The following WDR44 variants were observed in gnomAD, a reference collection of about 807,000 sequenced individuals.
The protein encoded by WDR44 is WD repeat domain 44, also known as WD repeat-containing protein 44.
A neutral mutation model predicts 65.7 loss-of-function variants in WDR44; 9 were observed. That is an observed-to-expected ratio of 0.14 (90% CI 0.08 to 0.24). WDR44 has a LOEUF of 0.24. WDR44 is among the 10% of genes least tolerant of loss of function. The pLI is 1.00. For synonymous variants in WDR44, 220 were observed against 235.2 expected (o/e 0.94, Z 0.59); for missense variants, 425 against 670.9 (o/e 0.63, Z 4.05).
intron 8 of WDR44, among the ~76,000 whole-genome samples, chrX:118,398,713 G>A (rs1049794430): frequency 1.2e-4 from 13 of 111,943 alleles, no homozygotes; most frequent in Non-Finnish European, 2.4e-4. Flanking sequence ...GATCTCCTGA[G>A]ATCAGGGGTT....
chrX:118,399,045 G>A (rs1054871079), intron 8 of WDR44, among the ~76,000 whole-genome samples: 4 of 112,177 alleles, frequency 3.6e-5, no homozygotes, highest in Non-Finnish European at 1.9e-5. Context: ...CCTTGAAGTT[G>A]TCTTTTCCCT....
chrX:118,408,170 A>G (rs900572247), intron 10 of WDR44, among the ~76,000 whole-genome samples: 2 of 111,538 alleles, frequency 1.8e-5, no homozygotes, highest in African/African-American at 6.5e-5. Flanking sequence ...GGGCTGTGGC[A>G]TAATCTTTTT....
Position 118,431,352 on chromosome X carries a change from G to A in WDR44, c.1738-1429G>A, listed in dbSNP as rs768013099. On this transcript the variant is annotated intron_variant, in intron 12 of 19. Transcript: ENST00000254029. Reference sequence around the variant, plus strand: ...GAGTTTCGCTCTTGTGGCCCATGCTGGAGTGCAATGCTGTGATCTCAGCTC... The same window carrying A: ...GAGTTTCGCTCTTGTGGCCCATGCTAGAGTGCAATGCTGTGATCTCAGCTC... Among the ~76,000 whole-genome samples, 140 of 111,223 alleles carry A rather than the reference G, an allele frequency of 1.3e-3. 1 individual carries two copies. Among genetic ancestry groups the A allele is most frequent in the Non-Finnish European group, 1.2e-3 (64 of 53,056 alleles).
At chrX:118,382,758 C>T (rs5956961) in intron 2 of WDR44, among the ~76,000 whole-genome samples, 18,452 of 111,326 alleles carry the variant, frequency 0.17, 2,774 homozygotes, top group African/African-American at 0.47. Flanking sequence ...GTAACTGTTA[C>T]ATGAATTGCT....
At chrX:118,421,556 A>G (rs1432525368) in intron 12 of WDR44, among the ~76,000 whole-genome samples, 1 of 111,793 alleles carries the variant, frequency 8.9e-6, no homozygotes, top group Non-Finnish European at 1.9e-5. Context: ...TATGTTCCTG[A>G]TGTGTGTATT....
chrX:118,384,829 T>G (rs747882759), intron 2 of WDR44, among the ~76,000 whole-genome samples: 10 of 111,971 alleles, frequency 8.9e-5, no homozygotes, highest in African/African-American at 3.2e-4. Flanking sequence ...GTTTTTCCAT[T>G]TGTTTGTGTC....
chrX:118,442,189 G>A (rs1166028913), intron 15 of WDR44, 55 bp from the exon 16 acceptor site: 3 of 1,042,640 alleles, frequency 2.9e-6, no homozygotes, highest in East Asian at 3.1e-5. Flanking sequence ...TTACAGATAC[G>A]AGCCACCACA....
At chrX:118,346,636 T>C (rs2056352935) in intron 1 of WDR44, 56 bp downstream of exon 1, 7 of 981,050 alleles carry the variant, frequency 7.1e-6, no homozygotes, top group Non-Finnish European at 8.4e-6. Context: ...CCGCATCTCC[T>C]GTGTCTTCCC....
At chrX:118,356,540 C>T (rs1158860287) in intron 1 of WDR44, among the ~76,000 whole-genome samples, 6 of 110,266 alleles carry the variant, frequency 5.4e-5, no homozygotes, top group Non-Finnish European at 3.8e-5. Flanking sequence ...TTTTCTCTTT[C>T]CCTTCAAATG....
Position 118,346,437 on chromosome X carries a change from G to C in WDR44, c.-67G>C, listed in dbSNP as rs1380305643. On this transcript the variant is annotated 5_prime_UTR_variant, in exon 1 of 20. Transcript: ENST00000254029. The stretch of plus-strand genomic sequence containing the variant: ...GTCTCGCCCGGGTGGAGGTCGACGA[G>C]GAGGAGACAAGAGTCACCCTTCCTC... 9.9e-7 allele frequency: 1 copy of C among 1,009,819 alleles called. No homozygotes were observed. The highest frequency in any genetic ancestry group is 1.9e-5 in the African/African-American group (1 of 52,738). 83.2% of individuals were successfully genotyped at this position (1,009,819 alleles called of 1,213,427 possible).
chrX:118,384,609 A>G (rs2056749673), intron 2 of WDR44, among the ~76,000 whole-genome samples: 1 of 111,863 alleles, frequency 8.9e-6, no homozygotes, highest in African/African-American at 3.2e-5. Context: ...GTCGGGTAGC[A>G]TGATGCCTCC....
At chrX:118,411,674 T>C (rs1197576366) in intron 12 of WDR44, among the ~76,000 whole-genome samples, 1 of 112,163 alleles carries the variant, frequency 8.9e-6, no homozygotes, top group Non-Finnish European at 1.9e-5. Flanking sequence ...ATTTACTGTT[T>C]CTCAGGGTCT....
At chrX:118,362,079 C>T (rs916519243) in intron 1 of WDR44, among the ~76,000 whole-genome samples, 1 of 111,772 alleles carries the variant, frequency 8.9e-6, no homozygotes, top group African/African-American at 3.3e-5. Flanking sequence ...GCATTGATTG[C>T]CATTCAAATC....
At chrX:118,427,783 TC>T (rs2057171443) in intron 12 of WDR44, among the ~76,000 whole-genome samples, 1 of 105,844 alleles carries the variant, frequency 9.4e-6, no homozygotes. Flanking sequence ...CACGCTATTC[TC>T]CTGCCTCAGC....
chrX:118,447,875 A>AATATACATATATATATATATATATATAT (rs2057358858), intron 19 of WDR44, among the ~76,000 whole-genome samples: 1 of 54,809 alleles, frequency 1.8e-5, no homozygotes, highest in African/African-American at 6.5e-5. Flanking sequence ...CTCTATCTAA[A>AATATACATATATATATATATATATATAT]ATATATATAT....
At chrX:118,380,187 A>G (rs2056702105) in intron 2 of WDR44, among the ~76,000 whole-genome samples, 1 of 111,849 alleles carries the variant, frequency 8.9e-6, no homozygotes, top group African/African-American at 3.2e-5. Flanking sequence ...AAGGTCCTGT[A>G]TATTCTTCAC....
chrX:118,363,528 AT>A (rs956670164), intron 1 of WDR44, among the ~76,000 whole-genome samples: 1 of 111,337 alleles, frequency 9.0e-6, no homozygotes, highest in African/African-American at 3.3e-5. Flanking sequence ...AATAAGCGAA[AT>A]CTGGGATAGT....
intron 1 of WDR44, among the ~76,000 whole-genome samples, chrX:118,367,504 A>T (rs2056564852): frequency 8.9e-6 from 1 of 111,802 alleles, no homozygotes; most frequent in Non-Finnish European, 1.9e-5. Context: ...TCACAGTTTC[A>T]CTTGACTGGC....
At chrX:118,375,628 T>C (rs1463704364) in intron 1 of WDR44, among the ~76,000 whole-genome samples, 6 of 111,794 alleles carry the variant, frequency 5.4e-5, no homozygotes, top group Non-Finnish European at 3.8e-5. Context: ...TCTTCTTTCT[T>C]TTTTTGAGTA....
Sources: allele counts gnomAD v4.1 joint callset (sites outside exome capture counted in the v4.1 genomes callset), GRCh38; gene constraint gnomAD v4.1.1; transcripts MANE v1.5; gene names NCBI Gene and HGNC (gene_info 2026-07-23, HGNC 2026-07-21).